Variants in EML4 observed in about 807,000 individuals in gnomAD.
EML4 encodes the protein EMAP like 4.
EML4 carries 72 observed loss-of-function variants against 129.0 expected under a neutral mutation model. That is an observed-to-expected ratio of 0.56 (90% CI 0.46 to 0.68). The LOEUF (loss-of-function observed/expected upper bound fraction) is 0.68. Ranked by LOEUF, EML4 falls within the 30% of genes least tolerant of loss-of-function variation. EML4 has a pLI of 0.00. For synonymous variants in EML4, 532 were observed against 405.0 expected (o/e 1.31, Z -3.77); for missense variants, 1,363 against 1,190.6 (o/e 1.14, Z -2.13).
intron 1 of EML4, among the ~76,000 whole-genome samples, chr2:42,197,963 C>T: frequency 6.6e-6 from 1 of 152,186 alleles, no homozygotes; most frequent in East Asian, 1.9e-4. Flanking sequence ...CCTACGTGTA[C>T]ATCCTGGCAC....
At chr2:42,251,025 C>G (rs1014773238) in intron 2 of EML4, among the ~76,000 whole-genome samples, 1 of 152,130 alleles carries the variant, frequency 6.6e-6, no homozygotes, top group African/African-American at 2.4e-5. Flanking sequence ...CGCCACTGAT[C>G]TGACAGGAGG....
At chr2:42,302,040 C>T (rs1474236737) in intron 14 of EML4, among the ~76,000 whole-genome samples, 1 of 151,832 alleles carries the variant, frequency 6.6e-6, no homozygotes, top group Non-Finnish European at 1.5e-5. Context: ...TTTATAATTC[C>T]ATTATTTCAG....
Position 42,176,724 on chromosome 2 carries a change from G to A in EML4, c.25+7088G>A, listed in dbSNP as rs140630937. On this transcript the variant is annotated intron_variant, in intron 1 of 22. Transcript: ENST00000318522. ...GAATGTTTATTCCAATAGTTATAAG[G>A]TGAAAGTAATTATTACAGATCTTAC... is the stretch of plus-strand genomic sequence containing the variant. 4.2e-3 allele frequency among the ~76,000 whole-genome samples: 640 copies of A among 152,244 alleles called. 1 individual carries two copies. Among genetic ancestry groups the A allele is most frequent in the Admixed American group, 7.7e-3 (117 of 15,288 alleles).
intron 1 of EML4, among the ~76,000 whole-genome samples, chr2:42,176,189 C>G (rs976324439): frequency 6.6e-6 from 1 of 152,164 alleles, no homozygotes; most frequent in African/African-American, 2.4e-5. Flanking sequence ...TGTTTTGATT[C>G]TTTGCCATTT....
chr2:42,249,524 A>G (rs1364204922), intron 2 of EML4, among the ~76,000 whole-genome samples: 1 of 152,194 alleles, frequency 6.6e-6, no homozygotes, highest in African/African-American at 2.4e-5. Context: ...GTTTTGCTAG[A>G]TGGTGGTGAT....
chr2:42,261,384 T>A (rs1558551431), intron 4 of EML4, 90 bp downstream of exon 4: 3 of 1,214,748 alleles, frequency 2.5e-6, no homozygotes, highest in Non-Finnish European at 3.4e-6. Context: ...ATCCAAGGAT[T>A]CTGAGAGAAA....
intron 1 of EML4, among the ~76,000 whole-genome samples, chr2:42,225,449 A>G (rs550675830): frequency 4.6e-4 from 70 of 152,258 alleles, no homozygotes; most frequent in African/African-American, 1.7e-3. Context: ...AGAAATGCCT[A>G]TTTAATTTTT....
chr2:42,257,980 A>C (rs1665450263), intron 3 of EML4, among the ~76,000 whole-genome samples: 1 of 152,258 alleles, frequency 6.6e-6, no homozygotes, highest in African/African-American at 2.4e-5. Context: ...AAAATGTTAG[A>C]AAATTTTAGT....
At chr2:42,234,313 A>C (rs919016803) in intron 1 of EML4, among the ~76,000 whole-genome samples, 1 of 152,186 alleles carries the variant, frequency 6.6e-6, no homozygotes, top group African/African-American at 2.4e-5. Context: ...GAGAGCTGAG[A>C]TTTGCTTTGA....
chr2:42,224,402 A>C (rs1309254481), intron 1 of EML4, among the ~76,000 whole-genome samples: 1 of 152,130 alleles, frequency 6.6e-6, no homozygotes, highest in Non-Finnish European at 1.5e-5. Flanking sequence ...TTATTGGAGT[A>C]ATATTCTGTC....
intron 16 of EML4, among the ~76,000 whole-genome samples, chr2:42,303,769 C>A (rs980015594): frequency 6.6e-6 from 1 of 151,922 alleles, no homozygotes; most frequent in African/African-American, 2.4e-5. Flanking sequence ...AGTAAAAATA[C>A]AAAAAATTAG....
chr2:42,174,521 C>T (rs1670479472), intron 1 of EML4, among the ~76,000 whole-genome samples: 1 of 152,200 alleles, frequency 6.6e-6, no homozygotes, highest in East Asian at 1.9e-4. Flanking sequence ...AAACCCCTGA[C>T]CTCGGGTGAT....
intron 16 of EML4, 57 bp from the exon 17 acceptor site, chr2:42,304,427 G>T (rs1572724485): frequency 7.4e-7 from 1 of 1,344,046 alleles, no homozygotes. Context: ...TTTTGCTACT[G>T]TCCCCATAGG....
intron 6 of EML4, among the ~76,000 whole-genome samples, chr2:42,274,764 C>T (rs540232319): frequency 6.2e-4 from 94 of 152,160 alleles, no homozygotes; most frequent in African/African-American, 2.2e-3. Context: ...TGGGACACCT[C>T]GGAGTATCAG....
At chr2:42,245,993 C>CTT (rs1488920864) in intron 2 of EML4, among the ~76,000 whole-genome samples, 1 of 151,976 alleles carries the variant, frequency 6.6e-6, no homozygotes, top group Non-Finnish European at 1.5e-5. Flanking sequence ...CGTTTTGTGT[C>CTT]TCTCATTTCA....
intron 1 of EML4, among the ~76,000 whole-genome samples, chr2:42,179,003 AT>A (rs1254769825): frequency 6.6e-6 from 1 of 152,180 alleles, no homozygotes; most frequent in Non-Finnish European, 1.5e-5. Flanking sequence ...ATGGTCTTAA[AT>A]TTCCCCCCAT....
intron 1 of EML4, among the ~76,000 whole-genome samples, chr2:42,218,302 C>T (rs148500682): frequency 1.4e-4 from 21 of 152,098 alleles, no homozygotes; most frequent in Admixed American, 3.9e-4. Context: ...ATGGGACCAT[C>T]TAGTTGCAGG....
At chr2:42,281,964 A>G (rs996655069) in intron 7 of EML4, among the ~76,000 whole-genome samples, 5 of 152,176 alleles carry the variant, frequency 3.3e-5, no homozygotes, top group Non-Finnish European at 5.9e-5. Flanking sequence ...ATTCTGTACA[A>G]CATATTTTTA....
At chr2:42,274,254 C>T (rs1666531400) in intron 6 of EML4, among the ~76,000 whole-genome samples, 3 of 151,968 alleles carry the variant, frequency 2.0e-5, no homozygotes, top group African/African-American at 7.2e-5. Context: ...CTTTTTAGTT[C>T]TAAAGATTGT....
Sources: gnomAD v4.1 joint callset for allele counts (sites outside exome capture counted in the v4.1 genomes callset) on GRCh38, gnomAD v4.1.1 for gene constraint, MANE v1.5 for transcripts, NCBI Gene and HGNC (gene_info 2026-07-23, HGNC 2026-07-21) for gene names.